BBS9: variants seen among roughly 807,000 people sequenced by gnomAD.
The protein encoded by BBS9 is protein PTHB1.
A neutral mutation model predicts 117.7 loss-of-function variants in BBS9; 89 were observed. The ratio of observed to expected loss-of-function variants is 0.76; its 90% CI spans 0.64 to 0.90. The LOEUF (loss-of-function observed/expected upper bound fraction) is 0.90. Ranked by LOEUF, BBS9 falls within the 40% of genes least tolerant of loss-of-function variation. The pLI is 0.00. For synonymous variants in BBS9, 379 were observed against 370.9 expected, an observed-to-expected ratio of 1.02 and a Z score of -0.25; for missense variants, 982 against 1,042.2, an observed-to-expected ratio of 0.94 and a Z score of 0.80.
chr7:33,412,994 G>A lies in BBS9; in HGVS notation c.2115+24850G>A, dbSNP rs558853772. On this transcript the variant is annotated intron_variant, in intron 19 of 22. Transcript: ENST00000242067. ...CTACAATGTTTGATATAGTTTAGTA[G>A]GGAATGTTATGGAACAATTGGATAC... is the stretch of plus-strand genomic sequence containing the variant. 2.0e-4 allele frequency among the ~76,000 whole-genome samples: 31 copies of A among 152,260 alleles called. No individual in the cohort carries two copies. In the South Asian group the frequency reaches 6.4e-3, roughly 32 times the overall value.
chr7:33,160,496 C>T (rs1794686029), intron 4 of BBS9, among the ~76,000 whole-genome samples: 1 of 152,194 alleles, frequency 6.6e-6, no homozygotes, highest in Non-Finnish European at 1.5e-5. Context: ...AATAGACCCT[C>T]TTTTCACTTC....
At chr7:33,398,884 C>T (rs1342777566) in intron 19 of BBS9, among the ~76,000 whole-genome samples, 2 of 152,154 alleles carry the variant, frequency 1.3e-5, no homozygotes, top group South Asian at 2.1e-4. Context: ...CAGGCTTTCA[C>T]CATGTTGGCC....
At chr7:33,603,005 GT>G (rs1321066785) in intron 21 of BBS9, among the ~76,000 whole-genome samples, 1 of 152,168 alleles carries the variant, frequency 6.6e-6, no homozygotes, top group Non-Finnish European at 1.5e-5. Context: ...TTCTATTTCT[GT>G]TTTGTCAAAA....
chr7:33,281,551 T>C (rs1021852811), intron 9 of BBS9, among the ~76,000 whole-genome samples: 2 of 151,396 alleles, frequency 1.3e-5, no homozygotes, highest in African/African-American at 2.4e-5. Context: ...TTAAAAATTC[T>C]TTTTTTTATA....
In BBS9 at chr7:33,478,875, GTTTT is replaced by G. The variant is rs10716942; in HGVS notation, c.2116-26572_2116-26569del. Among the ~76,000 whole-genome samples the G allele has an allele frequency of 5.1e-3, 658 of 130,162 alleles. 8 individuals are homozygous for G. Among genetic ancestry groups the G allele is most frequent in the African/African-American group, 0.017 (611 of 35,524 alleles). 85.4% of individuals were successfully genotyped at this position (130,162 alleles called of 152,430 possible). On this transcript the variant is annotated intron_variant, in intron 19 of 22. Coordinates refer to ENST00000242067, the MANE Select transcript of BBS9 (RefSeq NM_198428.3). ...GGAGAAGTAAATATGATGTTAGTGG[GTTTT>G]TTTTTTTTTTTTTTTAGCAATTTAA...
At chr7:33,558,479 G>A (rs1855621325) in intron 21 of BBS9, among the ~76,000 whole-genome samples, 2 of 152,156 alleles carry the variant, frequency 1.3e-5, no homozygotes, top group South Asian at 4.1e-4. Flanking sequence ...ATTCAAAGGA[G>A]GTACGAAAGG....
rs35333434 is a variant in BBS9 at position 33,184,097 on chromosome 7, CAGAGAGAGAG to C, written c.442+6521_442+6530del. ...ACCACACCTATAAGCAGTTTGCACA[CAGAGAGAGAG>C]AGAGAGAGAGAGAGTGAGAGAAGAA... On this transcript the variant is annotated intron_variant, in intron 5 of 22. Coordinates refer to ENST00000242067, the MANE Select transcript of BBS9 (RefSeq NM_198428.3). Among the ~76,000 whole-genome samples the C allele has an allele frequency of 6.4e-3, 963 of 149,562 alleles. 11 individuals carry two copies. Among genetic ancestry groups the C allele is most frequent in the African/African-American group, 0.022 (887 of 40,638 alleles).
chr7:33,422,684 T>C lies in BBS9; in HGVS notation c.2115+34540T>C, dbSNP rs145917958. 2.0e-3 allele frequency among the ~76,000 whole-genome samples: 312 copies of C among 152,332 alleles called. 1 individual carries two copies. Among genetic ancestry groups the C allele is most frequent in the African/African-American group, 7.1e-3 (296 of 41,580 alleles). ...AAAGATTATATTTGGCTCTCAACAA[T>C]GAGAAGACAGCTAATTACCAGAGAA... On this transcript the variant is annotated intron_variant, in intron 19 of 22. Coordinates refer to ENST00000242067, the MANE Select transcript of BBS9 (RefSeq NM_198428.3).
chr7:33,564,184 A>G (rs1190543392), intron 21 of BBS9, among the ~76,000 whole-genome samples: 1 of 152,194 alleles, frequency 6.6e-6, no homozygotes, highest in Non-Finnish European at 1.5e-5. Context: ...TAGTTACATT[A>G]TAGTGTAATT....
intron 19 of BBS9, among the ~76,000 whole-genome samples, chr7:33,437,725 A>G (rs1835512308): frequency 6.6e-6 from 1 of 152,022 alleles, no homozygotes; most frequent in South Asian, 2.1e-4. Context: ...AATAAAAAAA[A>G]ATTAGCCGGA....
At chr7:33,231,149 G>A (rs1417805090) in intron 5 of BBS9, among the ~76,000 whole-genome samples, 1 of 151,572 alleles carries the variant, frequency 6.6e-6, no homozygotes, top group African/African-American at 2.4e-5. Context: ...TCCTTCTTTA[G>A]CTTGTGGGAA....
chr7:33,223,198 A>G (rs1790594925), intron 5 of BBS9, among the ~76,000 whole-genome samples: 1 of 152,094 alleles, frequency 6.6e-6, no homozygotes, highest in Non-Finnish European at 1.5e-5. Flanking sequence ...ACTTTTATAT[A>G]TTTATTGTGT....
chr7:33,388,931 TC>T (rs1826524428), intron 19 of BBS9, among the ~76,000 whole-genome samples: 1 of 152,220 alleles, frequency 6.6e-6, no homozygotes, highest in Admixed American at 6.5e-5. Context: ...GTATGAATAG[TC>T]TGTTGATTTT....
chr7:33,291,775 G>A (rs186713775), intron 9 of BBS9, among the ~76,000 whole-genome samples: 5 of 152,278 alleles, frequency 3.3e-5, no homozygotes, highest in African/African-American at 1.2e-4. Flanking sequence ...GTGTTAAATG[G>A]AGTTTATTCA....
intron 19 of BBS9, among the ~76,000 whole-genome samples, chr7:33,423,603 T>A (rs974241535): frequency 2.0e-5 from 3 of 151,444 alleles, no homozygotes; most frequent in African/African-American, 7.2e-5. Context: ...GCAACACAAT[T>A]CAGAGTCAGT....
intron 22 of BBS9, 84 bp downstream of exon 22, chr7:33,605,059 T>A: frequency 6.8e-7 from 1 of 1,466,714 alleles, no homozygotes; most frequent in Non-Finnish European, 9.6e-7. Flanking sequence ...CCAGAGAGCA[T>A]TCCGCAAAGC....
chr7:33,261,535 G>A (rs1797983873), intron 6 of BBS9, among the ~76,000 whole-genome samples: 1 of 152,280 alleles, frequency 6.6e-6, no homozygotes, highest in Admixed American at 6.5e-5. Flanking sequence ...TCCATTTCTA[G>A]TAAAGTTCTC....
At chr7:33,236,342 A>AG (rs1432475482) in intron 5 of BBS9, among the ~76,000 whole-genome samples, 4 of 145,414 alleles carry the variant, frequency 2.8e-5, no homozygotes, top group Admixed American at 2.1e-4. Context: ...AAAAAAAAAG[A>AG]AAAAAAAATT....
intron 9 of BBS9, among the ~76,000 whole-genome samples, chr7:33,300,322 A>G (rs1252460803): frequency 6.6e-6 from 1 of 152,210 alleles, no homozygotes. Flanking sequence ...TGCAGTGGTC[A>G]GCTTCTGGCA....
Sources: allele counts gnomAD v4.1 joint callset (sites outside exome capture counted in the v4.1 genomes callset), GRCh38; gene constraint gnomAD v4.1.1; transcripts MANE v1.5; gene names NCBI Gene and HGNC (gene_info 2026-07-23, HGNC 2026-07-21).